KLHL4: variants seen among roughly 807,000 people sequenced by gnomAD.
KLHL4 encodes kelch-like protein 4.
A neutral mutation model predicts 45.8 loss-of-function variants in KLHL4; 17 were observed. That is an observed-to-expected ratio of 0.37 (90% CI 0.25 to 0.56). The LOEUF (loss-of-function observed/expected upper bound fraction) is 0.56, where lower values mean the gene tolerates loss of function less well. Among genes scored for constraint, KLHL4 ranks in the 20% least tolerant of loss-of-function variants. The pLI, the probability that KLHL4 is intolerant of heterozygous loss-of-function variation, is 0.79. For missense variants in KLHL4, 544 were observed against 544.9 expected (o/e 1.00, Z 0.02); for synonymous variants, 224 against 189.9 (o/e 1.18, Z -1.47).
intron 4 of KLHL4, among the ~76,000 whole-genome samples, chrX:87,618,633 T>G (rs1922645347): frequency 9.0e-6 from 1 of 111,192 alleles, no homozygotes. Flanking sequence ...CCCGAGTAGC[T>G]GGGACTACAG....
chrX:87,575,354 G>GAT (rs1373880943), intron 1 of KLHL4, among the ~76,000 whole-genome samples: 2 of 111,329 alleles, frequency 1.8e-5, no homozygotes, highest in African/African-American at 6.5e-5. Flanking sequence ...CACTCCTTAT[G>GAT]AGAATCCAAT....
intron 9 of KLHL4, among the ~76,000 whole-genome samples, chrX:87,658,741 A>G (rs186677385): frequency 8.9e-4 from 99 of 111,362 alleles, no homozygotes; most frequent in African/African-American, 3.2e-3. Context: ...GTGAATCTCT[A>G]CGCACTATTT....
At chrX:87,581,249 A>G (rs915945744) in intron 1 of KLHL4, among the ~76,000 whole-genome samples, 2 of 112,424 alleles carry the variant, frequency 1.8e-5, no homozygotes, top group African/African-American at 6.5e-5. Flanking sequence ...GGGGTGGGGA[A>G]GACCACCATG....
At chrX:87,607,771 T>C (rs1278331822) in intron 1 of KLHL4, among the ~76,000 whole-genome samples, 1 of 111,556 alleles carries the variant, frequency 9.0e-6, no homozygotes, top group African/African-American at 3.3e-5. Flanking sequence ...TGCTCCTCAT[T>C]CTTTTTATAA....
chrX:87,569,200 A>G (rs762307997), intron 1 of KLHL4, among the ~76,000 whole-genome samples: 5 of 111,866 alleles, frequency 4.5e-5, no homozygotes, highest in African/African-American at 1.3e-4. Flanking sequence ...AATGAGCAAC[A>G]AGCACATTTA....
At chrX:87,655,492 G>A (rs958217337) in intron 9 of KLHL4, among the ~76,000 whole-genome samples, 1 of 111,591 alleles carries the variant, frequency 9.0e-6, no homozygotes, top group Non-Finnish European at 1.9e-5. Context: ...TTGATCAGAT[G>A]TAAATATAAC....
In KLHL4 at chrX:87,635,640, G is replaced by A. The variant is rs2147825973; in HGVS notation, c.1790G>A (p.Trp597Ter). Reference sequence around the variant, plus strand: ...TACTTTGACCCACACACTAACAAGTGGAGTTTGTGTGCTCCAATGTCCAAA... The same window carrying A: ...TACTTTGACCCACACACTAACAAGTAGAGTTTGTGTGCTCCAATGTCCAAA... Reference protein sequence around the residue: ...MEYFDPHTNKWSLCAPMSKRR... With the variant: ...MEYFDPHTNK Residue 597 changes from tryptophan to a stop codon, truncating the protein, a stop_gained, in exon 9 of 11, where the codon TGG becomes TAG. Transcript: ENST00000373119. LOFTEE classifies it high-confidence loss of function. The A allele has an allele frequency of 8.3e-7, 1 of 1,209,891 alleles. No homozygotes were observed.
chrX:87,648,757 T>C lies in KLHL4; in HGVS notation c.1925+12982T>C, dbSNP rs1439686144. ...ATCTGTAGCACTTTAAAAACTTTAT[T>C]CTCAATGACTGGCTCTCTAGCACTC... On this transcript the variant is annotated intron_variant, in intron 9 of 10. Transcript: ENST00000373119. Among the ~76,000 whole-genome samples, 3 of 111,753 alleles carry C rather than the reference T, an allele frequency of 2.7e-5. No individual in the cohort carries two copies. The Admixed American group carries it at 2.9e-4, about 11-fold the overall frequency.
At chrX:87,571,485 T>A (rs1430430282) in intron 1 of KLHL4, among the ~76,000 whole-genome samples, 1 of 111,187 alleles carries the variant, frequency 9.0e-6, no homozygotes, top group African/African-American at 3.2e-5. Context: ...CAAAGTCTGC[T>A]ACTGGGAAAA....
At chrX:87,648,834 TA>T (rs1923719594) in intron 9 of KLHL4, among the ~76,000 whole-genome samples, 1 of 111,126 alleles carries the variant, frequency 9.0e-6, no homozygotes, top group South Asian at 3.8e-4. Context: ...AGATGCAACT[TA>T]TTTTTTTAAG....
At chrX:87,543,521 G>T (rs747856070) in intron 1 of KLHL4, among the ~76,000 whole-genome samples, 66 of 111,488 alleles carry the variant, frequency 5.9e-4, no homozygotes, top group Non-Finnish European at 1.1e-4. Context: ...AGCAGTGGTA[G>T]CATGGTGCAG....
chrX:87,530,443 C>A lies in KLHL4; in HGVS notation c.422+12128C>A, dbSNP rs1360143770. Among the ~76,000 whole-genome samples the A allele has an allele frequency of 6.3e-5, 5 of 79,143 alleles. No individual in the cohort carries two copies. In the East Asian group the frequency reaches 2.4e-3, roughly 38 times the overall value. The allele number at this position is 79,143 out of a possible 115,157, so 68.7% of individuals were successfully genotyped here. On this transcript the variant is annotated intron_variant, in intron 1 of 10. Coordinates refer to ENST00000373119, the MANE Select transcript of KLHL4 (RefSeq NM_019117.5). Reference sequence around the variant, plus strand: ...CCCTCCCCCCACCCCACAACAGTCCCCAGAGTGTGATATTCCCCTTCCTGT... The same window carrying A: ...CCCTCCCCCCACCCCACAACAGTCCACAGAGTGTGATATTCCCCTTCCTGT...
intron 1 of KLHL4, among the ~76,000 whole-genome samples, chrX:87,599,664 C>T (rs772888570): frequency 1.8e-5 from 2 of 110,121 alleles, no homozygotes; most frequent in East Asian, 2.9e-4. Flanking sequence ...AAAAAAACAG[C>T]GATATGATTA....
intron 1 of KLHL4, among the ~76,000 whole-genome samples, chrX:87,551,820 C>T (rs766558083): frequency 9.0e-6 from 1 of 111,347 alleles, no homozygotes; most frequent in Non-Finnish European, 1.9e-5. Context: ...CCCTTTTCAA[C>T]AAATGTTGCT....
intron 1 of KLHL4, among the ~76,000 whole-genome samples, chrX:87,553,410 T>C (rs1246209344): frequency 1.8e-5 from 2 of 110,977 alleles, no homozygotes; most frequent in African/African-American, 6.5e-5. Flanking sequence ...TAATTTATAT[T>C]TATACCATTG....
intron 1 of KLHL4, among the ~76,000 whole-genome samples, chrX:87,542,072 G>T (rs1431867383): frequency 8.9e-6 from 1 of 111,866 alleles, no homozygotes; most frequent in Non-Finnish European, 1.9e-5. Flanking sequence ...ATGATTTAGG[G>T]TATCTGGCAG....
chrX:87,597,099 C>T (rs924272997), intron 1 of KLHL4, among the ~76,000 whole-genome samples: 5 of 111,752 alleles, frequency 4.5e-5, no homozygotes, highest in Admixed American at 1.9e-4. Flanking sequence ...TAATTGGACA[C>T]GTGTATCCAC....
At chrX:87,639,642 A>G (rs1923385028) in intron 9 of KLHL4, among the ~76,000 whole-genome samples, 1 of 111,418 alleles carries the variant, frequency 9.0e-6, no homozygotes, top group Admixed American at 9.6e-5. Flanking sequence ...AGATTGAAAT[A>G]AAAAATTATT....
chrX:87,635,592 G>A lies in KLHL4; in HGVS notation c.1742G>A (p.Ser581Asn). 8.3e-7 allele frequency: 1 copy of A among 1,210,495 alleles called. No homozygotes were observed. Among genetic ancestry groups the A allele is most frequent in the Non-Finnish European group, 1.1e-6 (1 of 894,525 alleles). The change falls in exon 9 of 11, where the codon AGT (serine) becomes AAT (asparagine). Residue 581 changes from serine to asparagine, a missense_variant. Ser to Asn is a conservative substitution (Grantham distance 46). Coordinates refer to ENST00000373119, the MANE Select transcript of KLHL4 (RefSeq NM_019117.5). ...KLYAIGGRDG[S>N]SCLKSMEYFD... ...TATGCTATTGGTGGACGTGATGGAA[G>A]TTCCTGCCTCAAATCAATGGAATAC...
Sources: allele counts gnomAD v4.1 joint callset (sites outside exome capture counted in the v4.1 genomes callset), GRCh38; gene constraint gnomAD v4.1.1; transcripts MANE v1.5; gene names NCBI Gene and HGNC (gene_info 2026-07-23, HGNC 2026-07-21).